The following CDH6 variants were observed in gnomAD, a reference collection of about 807,000 sequenced individuals.
The protein encoded by CDH6 is cadherin 6.
CDH6 carries 31 observed loss-of-function variants against 78.0 expected under a neutral mutation model. The ratio of observed to expected loss-of-function variants is 0.40; its 90% CI spans 0.30 to 0.54. CDH6 has a LOEUF of 0.54. CDH6 is among the 20% of genes least tolerant of loss of function. CDH6 has a pLI of 0.56. For synonymous variants in CDH6, 376 were observed against 368.8 expected, an observed-to-expected ratio of 1.02 and a Z score of -0.23; for missense variants, 724 against 975.9, an observed-to-expected ratio of 0.74 and a Z score of 3.44.
chr5:31,261,301 A>G (rs1295625526), intron 1 of CDH6, among the ~76,000 whole-genome samples: 1 of 152,244 alleles, frequency 6.6e-6, no homozygotes, highest in Non-Finnish European at 1.5e-5. Flanking sequence ...TTAAAAAGTC[A>G]TAAATAACCA....
At chr5:31,278,982 G>C (rs888832092) in intron 2 of CDH6, among the ~76,000 whole-genome samples, 9 of 152,088 alleles carry the variant, frequency 5.9e-5, no homozygotes, top group African/African-American at 2.2e-4. Context: ...TATTATTCTA[G>C]AGCATGAGGC....
At chr5:31,198,224 G>C (rs1306487888) in intron 1 of CDH6, among the ~76,000 whole-genome samples, 1 of 152,146 alleles carries the variant, frequency 6.6e-6, no homozygotes, top group Non-Finnish European at 1.5e-5. Flanking sequence ...TAAATGTGGA[G>C]TAGACTCATA....
chr5:31,255,910 T>C (rs1308126911), intron 1 of CDH6, among the ~76,000 whole-genome samples: 2 of 152,228 alleles, frequency 1.3e-5, no homozygotes, highest in Non-Finnish European at 2.9e-5. Flanking sequence ...TTTCTTTCCA[T>C]TATAACTTGG....
At chr5:31,300,376 A>G (rs934373838) in intron 5 of CDH6, among the ~76,000 whole-genome samples, 3 of 152,158 alleles carry the variant, frequency 2.0e-5, no homozygotes, top group Non-Finnish European at 4.4e-5. Flanking sequence ...CACTCATTCT[A>G]TCATGACATT....
chr5:31,317,981 T>A, intron 11 of CDH6, 57 bp downstream of exon 11: 1 of 1,587,864 alleles, frequency 6.3e-7, no homozygotes, highest in Middle Eastern at 1.7e-4. Context: ...ACACTGTTAC[T>A]GTGACACTCT....
In CDH6 at chr5:31,305,334, C is replaced by G; in HGVS notation, c.1160C>G (p.Ala387Gly). The change falls in exon 7 of 12, where the codon GCC (alanine) becomes GGC (glycine). Residue 387 changes from alanine to glycine, a missense_variant. Ala to Gly is a moderately conservative substitution (Grantham distance 60). Transcript: ENST00000265071. ...VDEPPVFSKL[A>G]YILQIREDAQ... Reference sequence around the variant, plus strand: ...GAGCCACCTGTCTTCAGCAAACTGGCCTACATCTTACAAATAAGAGAAGAT... The same window carrying G: ...GAGCCACCTGTCTTCAGCAAACTGGGCTACATCTTACAAATAAGAGAAGAT... The G allele has an allele frequency of 6.2e-7, 1 of 1,614,044 alleles. No homozygotes were observed. The highest frequency in any genetic ancestry group is 1.1e-5 in the South Asian group (1 of 91,084).
chr5:31,242,559 C>T (rs954829412), intron 1 of CDH6, among the ~76,000 whole-genome samples: 2 of 152,038 alleles, frequency 1.3e-5, no homozygotes, highest in African/African-American at 4.8e-5. Flanking sequence ...AATGTAAGTC[C>T]GTTGATAGTA....
Position 31,327,746 on chromosome 5 carries a change from T to C in CDH6, c.*4438T>C, listed in dbSNP as rs1423118021. The stretch of plus-strand genomic sequence containing the variant: ...ATTTTTAATCTCCCTATGGCATCTT[T>C]ATGGAATAATTTTCTAAAGGGTAAT... On this transcript the variant is annotated 3_prime_UTR_variant, in exon 12 of 12. Coordinates refer to ENST00000265071, the MANE Select transcript of CDH6 (RefSeq NM_004932.4). The C allele has an allele frequency of 4.8e-6, 1 of 207,448 alleles. No individual in the cohort carries two copies. The highest frequency in any genetic ancestry group is 9.8e-6 in the Non-Finnish European group (1 of 101,816). 12.9% of individuals were successfully genotyped at this position (207,448 alleles called of 1,614,324 possible). A position where few individuals can be genotyped will look rare whatever the true frequency, so the allele number is the denominator to read the frequency against.
chr5:31,326,675 CT>C lies in CDH6; in HGVS notation c.*3369del, dbSNP rs1738630748. 1 of 129,448 alleles carries C rather than the reference CT, an allele frequency of 7.7e-6. No individual in the cohort carries two copies. 8.0% of individuals were successfully genotyped at this position (129,448 alleles called of 1,614,324 possible). A position where few individuals can be genotyped will look rare whatever the true frequency, so the allele number is the denominator to read the frequency against. Reference sequence around the variant, plus strand: ...GCTCCCAAAGAGTTGTGCAGAAAATCTTAAAATTTTTTTTTTTTTTTTTTTT... The same window carrying C: ...GCTCCCAAAGAGTTGTGCAGAAAATCTAAAATTTTTTTTTTTTTTTTTTTT... On this transcript the variant is annotated 3_prime_UTR_variant, in exon 12 of 12. Coordinates refer to ENST00000265071, the MANE Select transcript of CDH6 (RefSeq NM_004932.4).
chr5:31,302,918 AG>A (rs2149952544), intron 6 of CDH6, among the ~76,000 whole-genome samples: 1 of 120,822 alleles, frequency 8.3e-6, no homozygotes, highest in South Asian at 3.0e-4. Context: ...AAAGAAAGAA[AG>A]AAAGAAAGAA....
chr5:31,286,417 C>T (rs1296521624), intron 2 of CDH6, among the ~76,000 whole-genome samples: 1 of 152,150 alleles, frequency 6.6e-6, no homozygotes, highest in Non-Finnish European at 1.5e-5. Flanking sequence ...CAAGAGTTGG[C>T]TTAACTAGGT....
chr5:31,321,168 AC>A (rs1359038098), intron 11 of CDH6, among the ~76,000 whole-genome samples: 1 of 78,252 alleles, frequency 1.3e-5, no homozygotes, highest in Non-Finnish European at 2.7e-5. Context: ...CACCCCACCC[AC>A]CCACTCAGTG....
chr5:31,268,911 AAG>A (rs934776183), intron 2 of CDH6, among the ~76,000 whole-genome samples: 1 of 152,184 alleles, frequency 6.6e-6, no homozygotes, highest in Non-Finnish European at 1.5e-5. Flanking sequence ...AGAATAAAGT[AAG>A]AGAGGAAGTA....
At chr5:31,224,021 C>A (rs115339190) in intron 1 of CDH6, among the ~76,000 whole-genome samples, 354 of 152,284 alleles carry the variant, frequency 2.3e-3, no homozygotes, top group African/African-American at 8.2e-3. Flanking sequence ...GACACTATCT[C>A]ATTTAATCCT....
intron 1 of CDH6, among the ~76,000 whole-genome samples, chr5:31,246,696 G>A (rs1194240423): frequency 6.6e-6 from 1 of 152,172 alleles, no homozygotes; most frequent in African/African-American, 2.4e-5. Context: ...CGCAAAATGT[G>A]CATAGGTGTT....
intron 1 of CDH6, among the ~76,000 whole-genome samples, chr5:31,263,298 G>A (rs1487020968): frequency 4.2e-5 from 6 of 144,546 alleles, no homozygotes; most frequent in African/African-American, 1.0e-4. Flanking sequence ...TGCTCTTGTC[G>A]CCCAGGCTGG....
At chr5:31,257,912 A>C (rs566991255) in intron 1 of CDH6, among the ~76,000 whole-genome samples, 1 of 152,316 alleles carries the variant, frequency 6.6e-6, no homozygotes, top group African/African-American at 2.4e-5. Flanking sequence ...AGGAGCCTCT[A>C]GGTTAGTTGG....
At chr5:31,217,245 T>C (rs998312623) in intron 1 of CDH6, among the ~76,000 whole-genome samples, 6 of 152,160 alleles carry the variant, frequency 3.9e-5, no homozygotes, top group African/African-American at 1.2e-4. Context: ...ATATAGTGGT[T>C]TTCAACTTTT....
At chr5:31,203,550 A>T (rs528901606) in intron 1 of CDH6, among the ~76,000 whole-genome samples, 1 of 145,498 alleles carries the variant, frequency 6.9e-6, no homozygotes, top group Admixed American at 6.9e-5. Context: ...TTCCAATTTC[A>T]TCCATGTCCC....
Sources: gnomAD v4.1 joint callset for allele counts (sites outside exome capture counted in the v4.1 genomes callset) on GRCh38, gnomAD v4.1.1 for gene constraint, MANE v1.5 for transcripts, NCBI Gene and HGNC (gene_info 2026-07-23, HGNC 2026-07-21) for gene names.